Variants in PDXDC1 observed in about 807,000 individuals in gnomAD.
The protein encoded by PDXDC1 is pyridoxal dependent decarboxylase domain containing 1.
In PDXDC1, 42 loss-of-function variants were observed where a neutral mutation model predicts 100.1. The ratio of observed to expected loss-of-function variants is 0.42; its 90% CI spans 0.33 to 0.54. The LOEUF (loss-of-function observed/expected upper bound fraction) is 0.54, where lower values mean the gene tolerates loss of function less well. PDXDC1 is among the 20% of genes least tolerant of loss of function. The probability of loss-of-function intolerance (pLI) is 0.10; values close to 1 mark genes in which losing one functional copy is unlikely to be tolerated. For missense variants in PDXDC1, 636 were observed against 979.2 expected, an observed-to-expected ratio of 0.65 and a Z score of 4.68; for synonymous variants, 260 against 371.7, an observed-to-expected ratio of 0.70 and a Z score of 3.46.
intron 16 of PDXDC1, among the ~76,000 whole-genome samples, chr16:15,102,027 T>G (rs1383800703): frequency 6.6e-6 from 1 of 152,150 alleles, no homozygotes; most frequent in African/African-American, 2.4e-5. Context: ...TTTGTATTTT[T>G]GGTAGAGACA....
chr16:15,093,155 C>T (rs536357327), intron 16 of PDXDC1, among the ~76,000 whole-genome samples: 2 of 152,284 alleles, frequency 1.3e-5, no homozygotes, highest in South Asian at 2.1e-4. Context: ...CAGGCACCTG[C>T]CACCATGCCC....
intron 13 of PDXDC1, among the ~76,000 whole-genome samples, chr16:15,023,516 G>A (rs539338064): frequency 2.0e-4 from 31 of 152,400 alleles, no homozygotes; most frequent in African/African-American, 3.8e-4. Context: ...AAAAGTAGCC[G>A]CGCATGGTGG....
chr16:15,091,832 C>G (rs1364854940), intron 16 of PDXDC1, among the ~76,000 whole-genome samples: 1 of 152,188 alleles, frequency 6.6e-6, no homozygotes, highest in East Asian at 1.9e-4. Flanking sequence ...AATCCCTACT[C>G]AGAGAACTGG....
chr16:15,054,089 T>C (rs1344377040), intron 16 of PDXDC1, among the ~76,000 whole-genome samples: 1 of 152,210 alleles, frequency 6.6e-6, no homozygotes, highest in Non-Finnish European at 1.5e-5. Flanking sequence ...CCGGAGAAAC[T>C]GGCCAGGACA....
intron 1 of PDXDC1, among the ~76,000 whole-genome samples, chr16:14,981,242 A>G (rs1471492785): frequency 2.0e-5 from 3 of 152,278 alleles, no homozygotes; most frequent in Non-Finnish European, 2.9e-5. Flanking sequence ...CTGGTAGATA[A>G]AAATCAAGAA....
chr16:15,000,662 G>A (rs1197725156), intron 3 of PDXDC1, among the ~76,000 whole-genome samples: 6 of 152,288 alleles, frequency 3.9e-5, no homozygotes, highest in African/African-American at 1.4e-4. Flanking sequence ...ATCTCCTCAT[G>A]TAATGAGCAT....
intron 16 of PDXDC1, chr16:15,127,439 C>A: frequency 6.6e-7 from 1 of 1,521,312 alleles, no homozygotes; most frequent in Non-Finnish European, 8.8e-7. Flanking sequence ...GCTCCATTCC[C>A]AGTACTCCCC....
At chr16:15,112,167 A>T (rs1337522067) in intron 16 of PDXDC1, among the ~76,000 whole-genome samples, 14 of 148,832 alleles carry the variant, frequency 9.4e-5, no homozygotes, top group East Asian at 1.9e-4. Flanking sequence ...TAAAATGCAA[A>T]GCAAATCCCA....
chr16:15,133,373 G>C, intron 16 of PDXDC1: 1 of 1,049,962 alleles, frequency 9.5e-7, no homozygotes, highest in South Asian at 1.3e-5. Flanking sequence ...CAGCCAGACT[G>C]TGAGCCCCAT....
intron 1 of PDXDC1, among the ~76,000 whole-genome samples, chr16:14,985,109 CTT>C (rs1969030931): frequency 6.6e-6 from 1 of 152,176 alleles, no homozygotes; most frequent in Admixed American, 6.5e-5. Context: ...GAACTCCTGA[CTT>C]CGTGATCTGC....
chr16:15,133,825 G>C (rs1472153158), intron 16 of PDXDC1: 3 of 1,584,398 alleles, frequency 1.9e-6, no homozygotes, highest in Admixed American at 3.6e-5. Context: ...TTGGTGGTGA[G>C]GGCGTGCACA....
At chr16:15,146,256 C>A in the PDXDC1 span, among the ~76,000 whole-genome samples, 3 of 152,056 alleles carry the variant, frequency 2.0e-5, no homozygotes, top group South Asian at 6.2e-4. Context: ...AGGGGGACGT[C>A]GAGGCTCAAG....
At chr16:15,044,673 G>C (rs2043973298) in intron 16 of PDXDC1, 1 of 522,592 alleles carries the variant, frequency 1.9e-6, no homozygotes, top group African/African-American at 1.9e-5. Flanking sequence ...CACCAGTGGG[G>C]AACTTTGCTC....
At chr16:15,099,419 CAAAAAAAAAAA>C (rs768689960) in intron 16 of PDXDC1, among the ~76,000 whole-genome samples, 4 of 40,940 alleles carry the variant, frequency 9.8e-5, no homozygotes, top group East Asian at 7.8e-4. Context: ...GACTTGGTCT[CAAAAAAAAAAA>C]AAAAAAAAAA....
intron 16 of PDXDC1, chr16:15,130,387 C>A (rs772213276): frequency 1.3e-6 from 2 of 1,578,506 alleles, no homozygotes; most frequent in African/African-American, 1.4e-5. Context: ...CCCACGGACA[C>A]CTCCAGCGCC....
At position 15,137,270 on chromosome 16, in the gene PDXDC1, T is replaced by C. The variant is rs2048377063; in HGVS notation, c.1400-1609T>C. ...GGCCCCTGGGGAGGCAGGGAAGACGTGCTGGAGGAGGGTGGGGCCCCTACA... is the reference window on the plus strand; with the variant it reads ...GGCCCCTGGGGAGGCAGGGAAGACGCGCTGGAGGAGGGTGGGGCCCCTACA... On this transcript the variant is annotated intron_variant, in intron 16 of 16. Transcript: ENST00000535621. 6 of 797,330 alleles carry C rather than the reference T, an allele frequency of 7.5e-6. No homozygotes were observed. The Admixed American group carries it at 1.2e-4, about 16-fold the overall frequency. The allele number at this position is 797,330 out of a possible 1,614,324, so 49.4% of individuals were successfully genotyped here. A position where few individuals can be genotyped will look rare whatever the true frequency, so the allele number is the denominator to read the frequency against.
chr16:14,979,417 G>A (rs1967445586), intron 1 of PDXDC1, among the ~76,000 whole-genome samples: 1 of 152,276 alleles, frequency 6.6e-6, no homozygotes, highest in Non-Finnish European at 1.5e-5. Flanking sequence ...AGCCTCTCAA[G>A]TAGCTGGGAT....
chr16:15,078,705 C>G (rs1481787083), intron 16 of PDXDC1, among the ~76,000 whole-genome samples: 1 of 152,034 alleles, frequency 6.6e-6, no homozygotes, highest in African/African-American at 2.4e-5. Flanking sequence ...AGGTCCCCAT[C>G]TGCAGCCACG....
rs2045765008 is a variant in PDXDC1, at chr16:15,082,934, C to T, written c.1399+52878C>T. On this transcript the variant is annotated intron_variant, in intron 16 of 16. Coordinates refer to the PDXDC1 transcript ENST00000535621. ...CTATTATCTTCTAGTAATTCTTGTC[C>T]ATATGAGCATAAAGCCACTACAGAT... Among the ~76,000 whole-genome samples the T allele has an allele frequency of 2.6e-5, 4 of 152,258 alleles. No homozygotes were observed. The South Asian group carries it at 8.3e-4, about 32-fold the overall frequency.
Sources: gnomAD v4.1 joint callset for allele counts (sites outside exome capture counted in the v4.1 genomes callset) on GRCh38, gnomAD v4.1.1 for gene constraint, MANE v1.5 for transcripts, NCBI Gene and HGNC (gene_info 2026-07-23, HGNC 2026-07-21) for gene names.